Variants in DPAGT1 observed in about 807,000 individuals in gnomAD.
DPAGT1 encodes the protein UDP-N-acetylglucosamine--dolichyl-phosphate N-acetylglucosaminephosphotransferase.
A neutral mutation model predicts 39.3 loss-of-function variants in DPAGT1; 25 were observed. The ratio of observed to expected loss-of-function variants is 0.64; its 90% confidence interval spans 0.46 to 0.89. The LOEUF (loss-of-function observed/expected upper bound fraction) is 0.89, where lower values mean the gene tolerates loss of function less well. Ranked by LOEUF, DPAGT1 falls within the 40% of genes least tolerant of loss-of-function variation. The pLI is 0.00. For missense variants in DPAGT1, 381 were observed against 500.6 expected (o/e 0.76, Z 2.28); for synonymous variants, 193 against 201.4 (o/e 0.96, Z 0.36).
At position 119,098,375 on chromosome 11, in the gene DPAGT1, T is replaced by G. The variant is rs376904128; in HGVS notation, c.728+28A>C. 2,341 of 1,606,326 alleles carry G rather than the reference T, an allele frequency of 1.5e-3. 37 individuals are homozygous for G. The South Asian group carries it at 0.023, about 16-fold the overall frequency. ...CCATCTTTGCCATGTGTTCAGGTAG[T>G]TGTCCCCTTATCCACAGGCCTACTT... On this transcript the variant is annotated intron_variant, in intron 5 of 8. Coordinates refer to ENST00000354202, the MANE Select transcript of DPAGT1 (RefSeq NM_001382.4).
intron 4 of DPAGT1, among the ~76,000 whole-genome samples, chr11:119,099,819 A>C (rs1946464115): frequency 6.7e-6 from 1 of 149,494 alleles, no homozygotes; most frequent in Non-Finnish European, 1.5e-5. Flanking sequence ...AGTGGTAGGA[A>C]CTGAGTTGTT....
intron 4 of DPAGT1, 28 bp downstream of exon 4, chr11:119,100,232 TTC>T (rs751988655): frequency 6.2e-7 from 1 of 1,614,004 alleles, no homozygotes; most frequent in South Asian, 1.1e-5. Flanking sequence ...ACACTCAGAC[TTC>T]TCTCTCCCCA....
chr11:119,094,847 C>T, downstream of DPAGT1: 8 of 1,135,400 alleles, frequency 7.0e-6, no homozygotes, highest in Non-Finnish European at 8.4e-6. Context: ...AGCCGCGGCC[C>T]GCTTGCCCCG....
intron 4 of DPAGT1, 24 bp from the exon 5 acceptor site, chr11:119,098,511 G>T: frequency 6.2e-7 from 1 of 1,612,236 alleles, no homozygotes; most frequent in Non-Finnish European, 8.5e-7. Context: ...GAAGAAAGAA[G>T]GAAAAGTTAA....
chr11:119,094,830 G>A (rs1946362939), downstream of DPAGT1: 2 of 971,186 alleles, frequency 2.1e-6, no homozygotes, highest in South Asian at 1.8e-5. Context: ...GGAGGGGAGG[G>A]GAAGGGAGCC....
rs1271750970 is a variant in DPAGT1, at chr11:119,101,524, C to T, written c.132G>A (p.Gln44=). ...GHFIAARLCG[Q]DLNKTSRQQI... ...GCTGTCGGCTGGTTTTGTTGAGGTC[C>T]TGACCACAGAGGCGCGCAGCAATGA... Residue 44 remains glutamine (Q), a synonymous_variant, in exon 1 of 9, where the codon CAG becomes CAA. Transcript: ENST00000354202. 1 of 1,614,084 alleles carries T rather than the reference C, an allele frequency of 6.2e-7. No individual in the cohort carries two copies. Among genetic ancestry groups the T allele is most frequent in the East Asian group, 2.2e-5 (1 of 44,898 alleles).
intron 4 of DPAGT1, 29 bp downstream of exon 4, chr11:119,100,233 T>G (rs1471545207): frequency 6.2e-7 from 1 of 1,613,982 alleles, no homozygotes; most frequent in South Asian, 1.1e-5. Flanking sequence ...CACTCAGACT[T>G]CTCTCTCCCC....
At chr11:119,095,580 G>C (rs1389355989), downstream of DPAGT1, 7 of 613,940 alleles carry the variant, frequency 1.1e-5, no homozygotes, top group African/African-American at 1.9e-5. Flanking sequence ...TAACCCTTGG[G>C]TGTCGCGGCT....
At position 119,097,391 on chromosome 11, in the gene DPAGT1, T is replaced by C. The variant is rs1946417039; in HGVS notation, c.1005+73A>G. ...GCTTTCAAGTTCCCCTTGGATCTGATGTAGGACTAGGTTCCCCATTCCTCA... is the reference window on the plus strand; with the variant it reads ...GCTTTCAAGTTCCCCTTGGATCTGACGTAGGACTAGGTTCCCCATTCCTCA... On this transcript the variant is annotated intron_variant, in intron 7 of 8. Transcript: ENST00000354202. This position sits in a 1 kb window ranked among gnomAD's most constrained non-coding sequence, Gnocchi z 4.6. 3 of 1,612,544 alleles carry C rather than the reference T, an allele frequency of 1.9e-6. No homozygotes were observed. Among genetic ancestry groups the C allele is most frequent in the Non-Finnish European group, 2.5e-6 (3 of 1,178,534 alleles).
rs765676413 is a variant in DPAGT1, at chr11:119,098,416, G to A, written c.715C>T (p.Leu239Phe). Residue 239 changes from leucine (L) to phenylalanine (F), a missense_variant, in exon 5 of 9, where the codon CTC becomes TTC. By Grantham distance (22) the Leu-to-Phe change is conservative. Coordinates refer to ENST00000354202, the MANE Select transcript of DPAGT1 (RefSeq NM_001382.4). ...AGGCCTACTTACCAGTTGTGGTAGA[G>A]CAATCCCAAAGTGGTGAAAAAAAAG... ...IPFFFTTLGL[L>F]YHNWYPSRVF... The A allele has an allele frequency of 6.2e-7, 1 of 1,613,944 alleles. No homozygotes were observed. The highest frequency in any genetic ancestry group is 8.5e-7 in the Non-Finnish European group (1 of 1,179,878).
chr11:119,096,257 C>T (rs535237603), downstream of DPAGT1, among the ~76,000 whole-genome samples: 53 of 152,308 alleles, frequency 3.5e-4, no homozygotes, highest in African/African-American at 1.2e-3. Flanking sequence ...CCACTGCACC[C>T]GGTGACTCTT....
At chr11:119,098,617 A>G (rs1946440741) in intron 4 of DPAGT1, 130 bp from the exon 5 acceptor site, 8 of 866,736 alleles carry the variant, frequency 9.2e-6, no homozygotes, top group Admixed American at 4.0e-5. Context: ...TAAGAACTCA[A>G]TACTCCTTTT....
At chr11:119,100,156 T>C in intron 4 of DPAGT1, 106 bp downstream of exon 4, 1 of 1,545,246 alleles carries the variant, frequency 6.5e-7, no homozygotes, top group Non-Finnish European at 8.9e-7. Flanking sequence ...TTATCTTCTA[T>C]AATTACTATG....
At chr11:119,098,957 G>C (rs987564943) in intron 4 of DPAGT1, among the ~76,000 whole-genome samples, 1 of 152,194 alleles carries the variant, frequency 6.6e-6, no homozygotes, top group African/African-American at 2.4e-5. Flanking sequence ...TTCAAAGCTA[G>C]GTTTAATGAC....
downstream of DPAGT1, chr11:119,095,029 G>A (rs1457445774): frequency 2.5e-6 from 4 of 1,613,332 alleles, no homozygotes; most frequent in Admixed American, 1.7e-5. Flanking sequence ...CCACGGTGGC[G>A]CTGGTCTTCT....
downstream of DPAGT1, chr11:119,095,098 G>A (rs764445366): frequency 8.7e-6 from 14 of 1,613,858 alleles, no homozygotes; most frequent in Non-Finnish European, 1.1e-5. Flanking sequence ...TCGTCACGCC[G>A]CCCAGCAGCT....
chr11:119,094,514 G>C (rs1946357397), downstream of DPAGT1: 1 of 153,544 alleles, frequency 6.5e-6, no homozygotes, highest in South Asian at 2.0e-4. Context: ...CTGCGTCAGA[G>C]CGGAAGGCCA....
At position 119,097,883 on chromosome 11, in the gene DPAGT1, T is replaced by A. The variant is rs149849246; in HGVS notation, c.889A>T (p.Ile297Phe). The change falls in exon 6 of 9, where the codon ATC (isoleucine) becomes TTC (phenylalanine). Residue 297 changes from isoleucine to phenylalanine, a missense_variant. Coordinates refer to ENST00000354202, the MANE Select transcript of DPAGT1 (RefSeq NM_001382.4). The surrounding 1 kb of genome is among the most constrained non-coding windows in gnomAD (Gnocchi z 4.6). ...GGTATGCGGTGGCGAGGGCAGGGGA[T>A]GATATGCAGGAGCTGAGGCAGTGAG... ...LYSLPQLLHI[I>F]PCPRHRIPRL... 15 of 1,613,908 alleles carry A rather than the reference T, an allele frequency of 9.3e-6. No individual in the cohort carries two copies. Among genetic ancestry groups the A allele is most frequent in the Non-Finnish European group, 1.0e-5 (12 of 1,180,014 alleles).
chr11:119,099,780 CAAA>C (rs57486910), intron 4 of DPAGT1, among the ~76,000 whole-genome samples: 4,221 of 75,432 alleles, frequency 0.056, 99 homozygotes, highest in South Asian at 0.26. Flanking sequence ...GACCCTGTCT[CAAA>C]AAAAAAAAAA....
Sources: allele counts gnomAD v4.1 joint callset (sites outside exome capture counted in the v4.1 genomes callset), GRCh38; gene constraint gnomAD v4.1.1; non-coding constraint Gnocchi (gnomAD v3.1); transcripts MANE v1.5; gene names NCBI Gene and HGNC (gene_info 2026-07-23, HGNC 2026-07-21).